The following COG5 variants were observed in gnomAD, a reference collection of about 807,000 sequenced individuals.
The protein encoded by COG5 is conserved oligomeric Golgi complex subunit 5.
A neutral mutation model predicts 110.4 loss-of-function variants in COG5; 86 were observed. The ratio of observed to expected loss-of-function variants is 0.78; its 90% CI spans 0.65 to 0.93. COG5 has a LOEUF of 0.93. Ranked by LOEUF, COG5 falls within the 40% of genes least tolerant of loss-of-function variation. The pLI is 0.00. For missense variants in COG5, 1,077 were observed against 987.0 expected (o/e 1.09, Z -1.22); for synonymous variants, 360 against 334.6 (o/e 1.08, Z -0.83).
At chr7:107,291,526 G>C (rs1485379113) in intron 12 of COG5, among the ~76,000 whole-genome samples, 1 of 152,156 alleles carries the variant, frequency 6.6e-6, no homozygotes, top group Non-Finnish European at 1.5e-5. Context: ...TTAAATCTCT[G>C]ATGTTCCTCA....
intron 6 of COG5, among the ~76,000 whole-genome samples, chr7:107,498,738 T>G (rs1213130924): frequency 6.6e-6 from 1 of 152,196 alleles, no homozygotes; most frequent in African/African-American, 2.4e-5. Flanking sequence ...AGTATGGTGA[T>G]TCCTCAAAGA....
chr7:107,334,855 C>T lies in COG5; in HGVS notation c.1027-10334G>A, dbSNP rs113781023. On this transcript the variant is annotated intron_variant, in intron 10 of 21. Transcript: ENST00000297135. Reference sequence around the variant, plus strand: ...TAAAACCCACCGTTAAAATTAAGTACGCAAACAAAACCAGAATACTCTAAT... The same window carrying T: ...TAAAACCCACCGTTAAAATTAAGTATGCAAACAAAACCAGAATACTCTAAT... Among the ~76,000 whole-genome samples, 12 of 151,630 alleles carry T rather than the reference C, an allele frequency of 7.9e-5. 3 individuals are homozygous for T. Among genetic ancestry groups the T allele is most frequent in the African/African-American group, 2.4e-4 (10 of 41,392 alleles).
At chr7:107,438,369 T>C (rs1794488079) in intron 6 of COG5, among the ~76,000 whole-genome samples, 1 of 152,182 alleles carries the variant, frequency 6.6e-6, no homozygotes, top group South Asian at 2.1e-4. Flanking sequence ...TCCCACAGTT[T>C]CCCACCTCTG....
intron 13 of COG5, among the ~76,000 whole-genome samples, chr7:107,281,865 G>C (rs1805196824): frequency 6.6e-6 from 1 of 152,116 alleles, no homozygotes; most frequent in South Asian, 2.1e-4. Flanking sequence ...ATTCATGCTA[G>C]TTTCAATAGA....
At chr7:107,299,852 T>TCTGGA (rs1562958217) in intron 11 of COG5, among the ~76,000 whole-genome samples, 1 of 127,070 alleles carries the variant, frequency 7.9e-6, no homozygotes, top group East Asian at 2.2e-4. Flanking sequence ...TATATATATA[T>TCTGGA]ATATATCTGG....
At chr7:107,345,351 C>G (rs1203485873) in intron 10 of COG5, among the ~76,000 whole-genome samples, 1 of 151,854 alleles carries the variant, frequency 6.6e-6, no homozygotes, top group Non-Finnish European at 1.5e-5. Flanking sequence ...AAAATGGCAC[C>G]AATAGGCTTG....
chr7:107,454,689 A>C (rs981676623), intron 6 of COG5, among the ~76,000 whole-genome samples: 1 of 152,098 alleles, frequency 6.6e-6, no homozygotes, highest in African/African-American at 2.4e-5. Flanking sequence ...CCATAACACC[A>C]ATGCAAACCA....
chr7:107,391,345 C>A (rs569241954), intron 7 of COG5, among the ~76,000 whole-genome samples: 4 of 152,246 alleles, frequency 2.6e-5, no homozygotes, highest in Admixed American at 6.5e-5. Flanking sequence ...GGGACCCCTG[C>A]AGAGTTCTAA....
At chr7:107,408,842 A>G (rs1474776449) in intron 7 of COG5, among the ~76,000 whole-genome samples, 5 of 152,216 alleles carry the variant, frequency 3.3e-5, no homozygotes, top group African/African-American at 1.2e-4. Context: ...ACATGGAGGT[A>G]GCAATATGTG....
chr7:107,492,854 T>A (rs953961926), intron 6 of COG5, among the ~76,000 whole-genome samples: 2 of 152,110 alleles, frequency 1.3e-5, no homozygotes, highest in African/African-American at 4.8e-5. Context: ...AAAACAGGAC[T>A]CTCTGGGGGA....
intron 7 of COG5, among the ~76,000 whole-genome samples, chr7:107,388,446 C>T (rs1790363140): frequency 6.6e-6 from 1 of 152,158 alleles, no homozygotes; most frequent in African/African-American, 2.4e-5. Context: ...TCACTCATGG[C>T]ACATCGAACA....
chr7:107,453,745 T>C (rs1450777432), intron 6 of COG5, among the ~76,000 whole-genome samples: 1 of 152,182 alleles, frequency 6.6e-6, no homozygotes, highest in African/African-American at 2.4e-5. Flanking sequence ...AGTATAAGAG[T>C]TCATTTGTGA....
rs1161005075 is a variant in COG5, at chr7:107,372,773, TG to T, written c.670-14del. 3 of 1,612,578 alleles carry T rather than the reference TG, an allele frequency of 1.9e-6. No homozygotes were observed. The highest frequency in any genetic ancestry group is 2.7e-5 in the African/African-American group (2 of 74,762). Reference sequence around the variant, plus strand: ...CTTGAGTTGGATTCTTAAAAAAAGGTGGGGTGGGGTGGAAACAGATATAAAT... The same window carrying T: ...CTTGAGTTGGATTCTTAAAAAAAGGTGGGTGGGGTGGAAACAGATATAAAT... On this transcript the variant is annotated splice_polypyrimidine_tract_variant and intron_variant, in intron 7 of 21. Coordinates refer to ENST00000297135, the MANE Select transcript of COG5 (RefSeq NM_006348.5).
chr7:107,276,470 G>C (rs1285006869), intron 14 of COG5, among the ~76,000 whole-genome samples: 5 of 152,136 alleles, frequency 3.3e-5, no homozygotes, highest in Admixed American at 1.3e-4. Context: ...AGGAGTTCGA[G>C]ACCAGCCTGA....
chr7:107,297,254 T>G (rs1247507223), intron 12 of COG5, among the ~76,000 whole-genome samples: 3 of 152,134 alleles, frequency 2.0e-5, no homozygotes, highest in African/African-American at 7.2e-5. Context: ...TTTCTTATCA[T>G]TCTCTAAGCA....
At chr7:107,303,211 A>C (rs1326341466) in intron 11 of COG5, among the ~76,000 whole-genome samples, 4 of 151,714 alleles carry the variant, frequency 2.6e-5, no homozygotes. Flanking sequence ...TATCATGCCC[A>C]GTTGAATATG....
At chr7:107,542,693 G>T (rs753315867) in intron 5 of COG5, among the ~76,000 whole-genome samples, 1 of 152,154 alleles carries the variant, frequency 6.6e-6, no homozygotes, top group Non-Finnish European at 1.5e-5. Flanking sequence ...AGCAAGGCCA[G>T]GCATGGTGGC....
chr7:107,336,605 T>C (rs984744215), intron 10 of COG5, among the ~76,000 whole-genome samples: 3 of 152,220 alleles, frequency 2.0e-5, no homozygotes, highest in African/African-American at 7.2e-5. Flanking sequence ...GATTTGATCT[T>C]TACACATTAT....
At chr7:107,489,512 A>AT (rs1167488742) in intron 6 of COG5, among the ~76,000 whole-genome samples, 2 of 152,168 alleles carry the variant, frequency 1.3e-5, no homozygotes, top group Non-Finnish European at 2.9e-5. Flanking sequence ...CAGAAGTCTG[A>AT]TCCCCATTAC....
Sources: gnomAD v4.1 joint callset for allele counts (sites outside exome capture counted in the v4.1 genomes callset) on GRCh38, gnomAD v4.1.1 for gene constraint, MANE v1.5 for transcripts, NCBI Gene and HGNC (gene_info 2026-07-23, HGNC 2026-07-21) for gene names.